The following IHO1 variants were observed in gnomAD, a reference collection of about 807,000 sequenced individuals.
The protein encoded by IHO1 is interactor of HORMAD1 1.
A neutral mutation model predicts 31.0 loss-of-function variants in IHO1; 13 were observed. The ratio of observed to expected loss-of-function variants is 0.42; its 90% CI spans 0.27 to 0.67. The LOEUF is 0.67. IHO1 is among the 30% of genes least tolerant of loss of function. IHO1 has a pLI of 0.24. For missense variants in IHO1, 599 were observed against 687.5 expected (o/e 0.87, Z 1.44); for synonymous variants, 221 against 248.4 (o/e 0.89, Z 1.04).
chr3:49,202,631 C>T (rs1343391350), intron 1 of IHO1, among the ~76,000 whole-genome samples: 1 of 151,660 alleles, frequency 6.6e-6, no homozygotes, highest in African/African-American at 2.4e-5. Context: ...CCACCTCGGC[C>T]TCCCAAAGTG....
chr3:49,195,263 T>C (rs1456668398), upstream of IHO1, among the ~76,000 whole-genome samples: 1 of 140,590 alleles, frequency 7.1e-6, no homozygotes, highest in East Asian at 2.2e-4. Flanking sequence ...CTACTAAAAA[T>C]ACAAAAAAAT....
At chr3:49,211,730 T>C in intron 1 of IHO1, 36 bp from the exon 2 acceptor site, 1 of 1,031,942 alleles carries the variant, frequency 9.7e-7, no homozygotes, top group East Asian at 2.5e-5. Context: ...AATTATACTG[T>C]TAACTTTCTT....
chr3:49,240,101 A>G (rs974828898), intron 3 of IHO1, among the ~76,000 whole-genome samples: 7 of 152,086 alleles, frequency 4.6e-5, no homozygotes, highest in Non-Finnish European at 7.4e-5. Context: ...GCTAGAGTGC[A>G]GTGGCACGAT....
chr3:49,256,015 T>C lies in IHO1; in HGVS notation c.637-119T>C, dbSNP rs2046817450. ...GTGTAATTGTGCTTACCCTGAGAGG[T>C]TCCCTACAAGGAGCAAGCCTTGGTT... is the stretch of plus-strand genomic sequence containing the variant. On this transcript the variant is annotated intron_variant, in intron 7 of 7. Coordinates refer to ENST00000452691, the MANE Select transcript of IHO1 (RefSeq NM_001135197.2). The surrounding 1 kb of genome is among the most constrained non-coding windows in gnomAD (Gnocchi z 4.6). The C allele has an allele frequency of 3.5e-6, 3 of 853,938 alleles. No individual in the cohort carries two copies. Among genetic ancestry groups the C allele is most frequent in the Non-Finnish European group, 5.5e-6 (3 of 543,926 alleles). 52.9% of individuals were successfully genotyped at this position (853,938 alleles called of 1,614,324 possible). A position where few individuals can be genotyped will look rare whatever the true frequency, so the allele number is the denominator to read the frequency against.
intron 6 of IHO1, among the ~76,000 whole-genome samples, chr3:49,247,038 G>A (rs372942469): frequency 6.6e-6 from 1 of 151,556 alleles, no homozygotes; most frequent in African/African-American, 2.4e-5. Context: ...TAGTAGAGAC[G>A]GGGTTTCACC....
intron 1 of IHO1, among the ~76,000 whole-genome samples, chr3:49,211,038 C>T (rs1224639809): frequency 1.3e-4 from 17 of 129,616 alleles, no homozygotes; most frequent in Admixed American, 1.0e-3. Flanking sequence ...GCTGGGGTCT[C>T]GCTCTGTCGC....
At chr3:49,220,022 C>T (rs1042563211) in intron 2 of IHO1, among the ~76,000 whole-genome samples, 8 of 152,124 alleles carry the variant, frequency 5.3e-5, no homozygotes, top group South Asian at 2.1e-4. Flanking sequence ...CTTTCTTTTC[C>T]GGAGGACACT....
chr3:49,199,508 C>CTCGGTCTCCT lies in IHO1; in HGVS notation c.-81_-80insTCGGTCTCCT, dbSNP rs2046025553. 1.4e-5 allele frequency: 2 copies of CTCGGTCTCCT among 144,402 alleles called. No individual in the cohort carries two copies. The highest frequency in any genetic ancestry group is 4.6e-4 in the South Asian group (2 of 4,312). The allele number at this position is 144,402 out of a possible 1,614,324, so 8.9% of individuals were successfully genotyped here. ...GCCGCGCGTGCCGTTGCAGAGGCAGCGGGACGCGGCCACCTCGAAGCCACG... is the reference window on the plus strand; with the variant it reads ...GCCGCGCGTGCCGTTGCAGAGGCAGCTCGGTCTCCTGGGACGCGGCCACCTCGAAGCCACG... On this transcript the variant is annotated 5_prime_UTR_variant, in exon 1 of 8. Transcript: ENST00000452691.
intron 6 of IHO1, among the ~76,000 whole-genome samples, chr3:49,249,055 G>A (rs2107736925): frequency 6.6e-6 from 1 of 152,220 alleles, no homozygotes; most frequent in South Asian, 2.1e-4. Context: ...TTATGTAATT[G>A]GTGCCTTCAC....
In IHO1 at chr3:49,202,495, TTGTGTGTG is replaced by T. The variant is rs113425200; in HGVS notation, c.-16+2966_-16+2973del. On this transcript the variant is annotated intron_variant, in intron 1 of 7. Coordinates refer to ENST00000452691, the MANE Select transcript of IHO1 (RefSeq NM_001135197.2). ...TGCCTGACACCATGCCCGGCTAATT[TTGTGTGTG>T]TGTGTGTGTGTGTGTGTGTGTGTGT... is the stretch of plus-strand genomic sequence containing the variant. Among the ~76,000 whole-genome samples, 712 of 129,978 alleles carry T rather than the reference TTGTGTGTG, an allele frequency of 5.5e-3. 11 individuals carry two copies. Among genetic ancestry groups the T allele is most frequent in the African/African-American group, 9.3e-3 (296 of 31,954 alleles). 85.3% of individuals were successfully genotyped at this position (129,978 alleles called of 152,430 possible).
intron 2 of IHO1, 74 bp from the exon 3 acceptor site, chr3:49,236,474 G>T (rs1298704996): frequency 5.4e-6 from 6 of 1,110,476 alleles, no homozygotes; most frequent in African/African-American, 1.5e-5. Flanking sequence ...TTCTGAAATG[G>T]ACAGCTGTGA....
At chr3:49,209,146 A>G (rs117104629) in intron 1 of IHO1, among the ~76,000 whole-genome samples, 2 of 152,232 alleles carry the variant, frequency 1.3e-5, no homozygotes, top group South Asian at 2.1e-4. Flanking sequence ...TCTACCACAC[A>G]TATATTGAAT....
chr3:49,212,877 T>C (rs1474302346), intron 2 of IHO1, among the ~76,000 whole-genome samples: 1 of 152,212 alleles, frequency 6.6e-6, no homozygotes, highest in African/African-American at 2.4e-5. Context: ...GGATCGGAGC[T>C]GGTTGCCACT....
At chr3:49,192,318 C>A in the IHO1 span, among the ~76,000 whole-genome samples, 1 of 152,112 alleles carries the variant, frequency 6.6e-6, no homozygotes, top group African/African-American at 2.4e-5. Context: ...AGGAATAGGG[C>A]ATAACAGAAC....
intron 2 of IHO1, among the ~76,000 whole-genome samples, chr3:49,218,827 T>G (rs905726410): frequency 1.3e-5 from 2 of 152,102 alleles, no homozygotes; most frequent in African/African-American, 4.8e-5. Flanking sequence ...ATTCCTTGAC[T>G]AAAGCACATC....
intron 3 of IHO1, among the ~76,000 whole-genome samples, chr3:49,238,046 A>C (rs1404835702): frequency 6.6e-6 from 1 of 151,652 alleles, no homozygotes; most frequent in Non-Finnish European, 1.5e-5. Flanking sequence ...CTGGGATTAT[A>C]GGTGTGTGCC....
chr3:49,212,438 C>T (rs11130185), intron 2 of IHO1, among the ~76,000 whole-genome samples: 91,138 of 150,260 alleles, frequency 0.61, 28,870 homozygotes, highest in East Asian at 0.95. Context: ...ACTGCTTGAA[C>T]CTGGGAGGCG....
intron 1 of IHO1, among the ~76,000 whole-genome samples, chr3:49,205,049 G>A (rs2046117399): frequency 6.6e-6 from 1 of 151,756 alleles, no homozygotes; most frequent in Admixed American, 6.6e-5. Context: ...AAGAACGAAA[G>A]GAATGACTAC....
At position 49,256,197 on chromosome 3, in the gene IHO1, CAG is replaced by C. The variant is rs2046819230; in HGVS notation, c.703_704del (p.Gln236GlyfsTer7). 2 of 1,613,990 alleles carry C rather than the reference CAG, an allele frequency of 1.2e-6. No individual in the cohort carries two copies. Among genetic ancestry groups the C allele is most frequent in the African/African-American group, 2.7e-5 (2 of 74,936 alleles). ...LKHLEVLVAQQSQEFQQLCEQ... is the reference protein window; with the variant it reads ...LKHLEVLVAQXSQEFQQLCEQ... ...GCACCTTGAAGTTTTAGTTGCTCAG[CAG>C]AGTCAGGAATTCCAGCAGCTGTGTG... is the stretch of plus-strand genomic sequence containing the variant. On this transcript the variant is annotated frameshift_variant, in exon 8 of 8. Transcript: ENST00000452691. LOFTEE classifies it low-confidence loss of function (END_TRUNC). The surrounding 1 kb of genome is among the most constrained non-coding windows in gnomAD (Gnocchi z 4.6).
Sources: gnomAD v4.1 joint callset for allele counts (sites outside exome capture counted in the v4.1 genomes callset) on GRCh38, gnomAD v4.1.1 for gene constraint, Gnocchi (gnomAD v3.1) non-coding constraint, MANE v1.5 for transcripts, NCBI Gene and HGNC (gene_info 2026-07-23, HGNC 2026-07-21) for gene names.